RAB3IP: variants seen among roughly 807,000 people sequenced by gnomAD.
The protein encoded by RAB3IP is RAB3A interacting protein.
A neutral mutation model predicts 59.1 loss-of-function variants in RAB3IP; 36 were observed. The observed-to-expected ratio is 0.61, with a 90% CI of 0.47 to 0.80. The LOEUF is 0.80. Ranked by LOEUF, RAB3IP falls within the 30% of genes least tolerant of loss-of-function variation. The pLI, the probability that RAB3IP is intolerant of heterozygous loss-of-function variation, is 0.00. For synonymous variants in RAB3IP, 207 were observed against 191.2 expected (o/e 1.08, Z -0.68); for missense variants, 511 against 536.0 (o/e 0.95, Z 0.46).
In RAB3IP at chr12:69,815,379, G is replaced by C. The variant is rs1331856290; in HGVS notation, c.1316G>C (p.Trp439Ser). Residue 439 changes from tryptophan to serine, a missense_variant, in exon 11 of 11, where the codon TGG (tryptophan) becomes TCG (serine). By Grantham distance (177) the Trp-to-Ser change is radical. Transcript: ENST00000247833. ...VKQQDVDQMF[W>S]EVMQLRKEMS... ...GTTTGTATAGTTGATCAGATGTTTT[G>C]GGAGGTTATGCAGTTGAGAAAAGAG... 1 of 1,608,968 alleles carries C rather than the reference G, an allele frequency of 6.2e-7. No individual in the cohort carries two copies. Among genetic ancestry groups the C allele is most frequent in the East Asian group, 2.2e-5 (1 of 44,812 alleles).
intron 4 of RAB3IP, among the ~76,000 whole-genome samples, chr12:69,789,597 A>G (rs1255345366): frequency 1.3e-5 from 2 of 152,302 alleles, no homozygotes; most frequent in Admixed American, 6.5e-5. Context: ...TGAGGCCAAT[A>G]TCACTCTGAT....
rs1165639333 is a variant in RAB3IP at position 69,747,331 on chromosome 12, T to TGTGAGA, written c.-25-8052_-25-8051insTGAGAG. On this transcript the variant is annotated intron_variant, in intron 1 of 10. Coordinates refer to ENST00000247833, the MANE Select transcript of RAB3IP (RefSeq NM_022456.5). Reference sequence around the variant, plus strand: ...GTGTGTGTGTGTGTGTGTGTGTGTGTGAGAGAGAGAGAGAGAGAGGATCTT... The same window carrying TGTGAGA: ...GTGTGTGTGTGTGTGTGTGTGTGTGTGTGAGAGAGAGAGAGAGAGAGAGAGGATCTT... Among the ~76,000 whole-genome samples, 281 of 85,970 alleles carry TGTGAGA rather than the reference T, an allele frequency of 3.3e-3. 2 individuals carry two copies. The highest frequency in any genetic ancestry group is 0.01 in the African/African-American group (273 of 26,482). The allele number at this position is 85,970 out of a possible 152,430, so 56.4% of individuals were successfully genotyped here.
rs530666907 is a variant in RAB3IP at position 69,782,355 on chromosome 12, G to C, written c.511-2365G>C. ...AATTTTTGTATTTTTAGTAGAGACGGGGTTTCACCATGTTGATCAAGCTGG... is the reference window on the plus strand; with the variant it reads ...AATTTTTGTATTTTTAGTAGAGACGCGGTTTCACCATGTTGATCAAGCTGG... On this transcript the variant is annotated intron_variant, in intron 3 of 10. Transcript: ENST00000247833. 2.6e-5 allele frequency among the ~76,000 whole-genome samples: 4 copies of C among 152,252 alleles called. No individual in the cohort carries two copies. In the East Asian group the frequency reaches 7.7e-4, roughly 29 times the overall value.
At chr12:69,785,172 T>C (rs527968178) in intron 4 of RAB3IP, among the ~76,000 whole-genome samples, 14 of 152,300 alleles carry the variant, frequency 9.2e-5, no homozygotes, top group Middle Eastern at 3.4e-3. Flanking sequence ...TCATCTTACA[T>C]GGGATGATTT....
At chr12:69,766,889 G>T (rs754578370) in intron 3 of RAB3IP, among the ~76,000 whole-genome samples, 1 of 152,206 alleles carries the variant, frequency 6.6e-6, no homozygotes, top group Non-Finnish European at 1.5e-5. Context: ...TGCTTTAGAA[G>T]TTTCTTCTAT....
chr12:69,755,760 T>A, intron 2 of RAB3IP, 101 bp downstream of exon 2: 1 of 948,804 alleles, frequency 1.1e-6, no homozygotes, highest in Non-Finnish European at 1.6e-6. Context: ...TTTGAATAAC[T>A]TAAGTGTGCC....
intron 1 of RAB3IP, among the ~76,000 whole-genome samples, chr12:69,745,697 A>G (rs1868309975): frequency 6.6e-6 from 1 of 152,178 alleles, no homozygotes; most frequent in African/African-American, 2.4e-5. Context: ...CTGGGATACC[A>G]TGTGCAGAAC....
chr12:69,792,177 G>A (rs1469762330), intron 4 of RAB3IP, among the ~76,000 whole-genome samples: 2 of 152,056 alleles, frequency 1.3e-5, no homozygotes, highest in South Asian at 2.1e-4. Flanking sequence ...GGGAGATGTC[G>A]GTCATTGGTA....
chr12:69,780,253 C>CAAA (rs1188493527), intron 3 of RAB3IP, among the ~76,000 whole-genome samples: 241 of 152,234 alleles, frequency 1.6e-3, no homozygotes, highest in African/African-American at 5.0e-3. Context: ...CCAACTGTAG[C>CAAA]AAAAGGAACT....
intron 8 of RAB3IP, among the ~76,000 whole-genome samples, chr12:69,802,896 G>A (rs905425829): frequency 5.9e-5 from 9 of 152,316 alleles, no homozygotes; most frequent in Middle Eastern, 6.8e-3. Context: ...CAAGCCACAC[G>A]TGTAGCACGG....
intron 8 of RAB3IP, among the ~76,000 whole-genome samples, chr12:69,809,842 G>T: frequency 6.6e-6 from 1 of 152,120 alleles, no homozygotes; most frequent in Middle Eastern, 3.4e-3. Context: ...CCATTGGTTC[G>T]AACTTCCTCC....
At chr12:69,810,915 A>G (rs1426334728) in intron 8 of RAB3IP, among the ~76,000 whole-genome samples, 1 of 152,196 alleles carries the variant, frequency 6.6e-6, no homozygotes, top group Non-Finnish European at 1.5e-5. Context: ...TGGGAAAAAA[A>G]TGGAGTTGGA....
chr12:69,795,179 A>G lies in RAB3IP; in HGVS notation c.723A>G (p.Thr241=). 1.9e-6 allele frequency: 3 copies of G among 1,614,092 alleles called. No homozygotes were observed. Among genetic ancestry groups the G allele is most frequent in the Non-Finnish European group, 2.5e-6 (3 of 1,179,980 alleles). Residue 241 remains threonine, a synonymous_variant, in exon 6 of 11, where the codon ACA becomes ACG. Coordinates refer to ENST00000247833, the MANE Select transcript of RAB3IP (RefSeq NM_022456.5). The part of the protein sequence containing the change: ...VLQAEVAALK[T]LVLSSSPTSP... ...AAGCTGAAGTAGCTGCATTGAAGAC[A>G]CTTGTATTGTCCAGTTCTCCAACAT...
intron 3 of RAB3IP, among the ~76,000 whole-genome samples, chr12:69,781,794 T>C (rs954779521): frequency 6.6e-6 from 1 of 152,242 alleles, no homozygotes; most frequent in Non-Finnish European, 1.5e-5. Flanking sequence ...CTGCTGCTTC[T>C]AAGTTTGGGC....
rs1282710398 is a variant in RAB3IP, at chr12:69,822,349, C to G, written c.*6903C>G. The G allele has an allele frequency of 6.6e-6, 1 of 152,114 alleles. No individual in the cohort carries two copies. The highest frequency in any genetic ancestry group is 2.4e-5 in the African/African-American group (1 of 41,406). The allele number at this position is 152,114 out of a possible 1,614,324, so 9.4% of individuals were successfully genotyped here. On this transcript the variant is annotated 3_prime_UTR_variant, in exon 11 of 11. Transcript: ENST00000247833. The stretch of plus-strand genomic sequence containing the variant: ...GCTTAAACTTTGGATATTGCCCCAG[C>G]CAACACATTCTGCCACAGAGATCTC...
At chr12:69,809,489 G>A (rs557788359) in intron 8 of RAB3IP, among the ~76,000 whole-genome samples, 26 of 152,336 alleles carry the variant, frequency 1.7e-4, no homozygotes, top group African/African-American at 5.5e-4. Flanking sequence ...ATATCCTGCA[G>A]AGTGTTTTCC....
At chr12:69,765,333 C>T (rs904046801) in intron 3 of RAB3IP, among the ~76,000 whole-genome samples, 2 of 152,060 alleles carry the variant, frequency 1.3e-5, no homozygotes, top group African/African-American at 2.4e-5. Context: ...ATTTCTTTAG[C>T]GTTTTTATCG....
intron 8 of RAB3IP, among the ~76,000 whole-genome samples, chr12:69,802,306 C>G (rs1878520338): frequency 6.6e-6 from 1 of 152,162 alleles, no homozygotes; most frequent in East Asian, 1.9e-4. Context: ...GATGAGATCT[C>G]TCTTTTCATA....
intron 10 of RAB3IP, among the ~76,000 whole-genome samples, chr12:69,814,599 C>CT (rs1377528882): frequency 6.6e-6 from 1 of 151,882 alleles, no homozygotes; most frequent in Non-Finnish European, 1.5e-5. Context: ...GTAGCACCCC[C>CT]GAGATGGGAC....
Sources: gnomAD v4.1 joint callset for allele counts (sites outside exome capture counted in the v4.1 genomes callset) on GRCh38, gnomAD v4.1.1 for gene constraint, MANE v1.5 for transcripts, NCBI Gene and HGNC (gene_info 2026-07-23, HGNC 2026-07-21) for gene names.